The following ZNF101 variants were observed in gnomAD, a reference collection of about 807,000 sequenced individuals.
ZNF101 encodes zinc finger protein 101 (Y2).
ZNF101 carries 34 observed loss-of-function variants against 42.6 expected under a neutral mutation model. That is an observed-to-expected ratio of 0.80 (90% CI 0.61 to 1.06). The LOEUF (loss-of-function observed/expected upper bound fraction) is 1.06, where lower values mean the gene tolerates loss of function less well. ZNF101 is among the 50% of genes least tolerant of loss of function. The probability of loss-of-function intolerance (pLI) is 0.00; values close to 1 mark genes in which losing one functional copy is unlikely to be tolerated. For missense variants in ZNF101, 466 were observed against 530.9 expected (o/e 0.88, Z 1.20); for synonymous variants, 158 against 183.9 (o/e 0.86, Z 1.14).
chr19:19,679,679 T>C lies in ZNF101; in HGVS notation c.690T>C (p.Cys230=), dbSNP rs2062226116. Residue 230 remains cysteine (C), a synonymous_variant, in exon 4 of 4, where the codon TGT becomes TGC. Coordinates refer to ENST00000592502, the MANE Select transcript of ZNF101 (RefSeq NM_033204.4). ...TGEKRYECKY[C]GKPIDYPSLF... ...AAAAACGCTATGAATGTAAATACTG[T>C]GGAAAACCTATCGATTATCCCAGTT... is the stretch of plus-strand genomic sequence containing the variant. 1.2e-6 allele frequency: 2 copies of C among 1,614,118 alleles called. No homozygotes were observed. The highest frequency in any genetic ancestry group is 4.5e-5 in the East Asian group (2 of 44,886).
At position 19,683,023 on chromosome 19, in the gene ZNF101, C is replaced by T. The variant is rs1168980357; in HGVS notation, c.*2723C>T. ...GTTTCATTGTACTGGCCAGGATGGT[C>T]TTGATTTCCTGACCTTGTGATCCAC... On this transcript the variant is annotated 3_prime_UTR_variant, in exon 4 of 4. Coordinates refer to ENST00000592502, the MANE Select transcript of ZNF101 (RefSeq NM_033204.4). 1 of 152,000 alleles carries T rather than the reference C, an allele frequency of 6.6e-6. No individual in the cohort carries two copies. The highest frequency in any genetic ancestry group is 2.4e-5 in the African/African-American group (1 of 41,356). 9.4% of individuals were successfully genotyped at this position (152,000 alleles called of 1,614,324 possible).
rs1308341900 is a variant in ZNF101, at chr19:19,680,350, C to G, written c.*50C>G. ...GCCCCATATCGGCTGGGTACGGTGG[C>G]TCACGCTTGTAATCCCAGCACTTTG... On this transcript the variant is annotated 3_prime_UTR_variant, in exon 4 of 4. Coordinates refer to ENST00000592502, the MANE Select transcript of ZNF101 (RefSeq NM_033204.4). 9.2e-7 allele frequency: 1 copy of G among 1,087,366 alleles called. No individual in the cohort carries two copies. The highest frequency in any genetic ancestry group is 3.1e-5 in the Admixed American group (1 of 32,620). 67.4% of individuals were successfully genotyped at this position (1,087,366 alleles called of 1,614,324 possible).
intron 1 of ZNF101, 97 bp downstream of exon 1, chr19:19,669,063 C>G (rs2062152665): frequency 1.4e-6 from 2 of 1,476,102 alleles, no homozygotes; most frequent in Non-Finnish European, 1.8e-6. Context: ...CTGTGGGGGT[C>G]TGGGACCCGA....
rs2062150614 is a variant in ZNF101, at chr19:19,668,874, T to C, written c.-90T>C. The C allele has an allele frequency of 1.9e-5, 28 of 1,472,474 alleles. No homozygotes were observed. The highest frequency in any genetic ancestry group is 2.1e-5 in the Non-Finnish European group (23 of 1,094,876). The allele number at this position is 1,472,474 out of a possible 1,614,324, so 91.2% of individuals were successfully genotyped here. A position where few individuals can be genotyped will look rare whatever the true frequency, so the allele number is the denominator to read the frequency against. On this transcript the variant is annotated 5_prime_UTR_variant, in exon 1 of 4. Coordinates refer to ENST00000592502, the MANE Select transcript of ZNF101 (RefSeq NM_033204.4). ...GGGTTTTAGTTCCTCGGGGAGCCCC[T>C]GGTGCCCCGGATACGGCTGATTTTG...
At chr19:19,672,161 AT>A (rs1275554789) in intron 1 of ZNF101, 1 of 148,300 alleles carries the variant, frequency 6.7e-6, no homozygotes, top group Non-Finnish European at 1.5e-5. Context: ...TTTATGTATG[AT>A]TATATATATA....
chr19:19,674,569 A>T (rs907507246), intron 1 of ZNF101, among the ~76,000 whole-genome samples: 1 of 152,110 alleles, frequency 6.6e-6, no homozygotes, highest in Admixed American at 6.6e-5. Context: ...GTCAGGTATG[A>T]TTTGCTAGCA....
At chr19:19,679,147 C>G in intron 3 of ZNF101, 34 bp from the exon 4 acceptor site, 4 of 1,594,464 alleles carry the variant, frequency 2.5e-6, no homozygotes, top group Non-Finnish European at 3.4e-6. Flanking sequence ...ATTAATAAAC[C>G]AAGCATTGAT....
Position 19,680,194 on chromosome 19 carries a change from T to C in ZNF101, c.1205T>C (p.Val402Ala). The change falls in exon 4 of 4, where the codon GTC becomes GCC. Residue 402 changes from valine (V) to alanine (A), a missense_variant. Transcript: ENST00000592502. ...KPFDCKQCGK[V>A]FTFSNYLRLH... Reference sequence around the variant, plus strand: ...TTTGATTGTAAACAGTGTGGTAAAGTCTTTACTTTTTCAAATTACCTTAGA... The same window carrying C: ...TTTGATTGTAAACAGTGTGGTAAAGCCTTTACTTTTTCAAATTACCTTAGA... 1 of 1,600,834 alleles carries C rather than the reference T, an allele frequency of 6.2e-7. No homozygotes were observed. Among genetic ancestry groups the C allele is most frequent in the Non-Finnish European group, 8.5e-7 (1 of 1,175,542 alleles).
In ZNF101 at chr19:19,680,441, AC is replaced by A. The variant is rs199901405; in HGVS notation, c.*145del. ...AGACTAGCCTGGCCAACATGGTGAA[AC>A]CCCGTCTCTACTAAAAATACAAAAA... is the stretch of plus-strand genomic sequence containing the variant. On this transcript the variant is annotated 3_prime_UTR_variant, in exon 4 of 4. Coordinates refer to ENST00000592502, the MANE Select transcript of ZNF101 (RefSeq NM_033204.4). The A allele has an allele frequency of 4.5e-6, 2 of 440,414 alleles. No homozygotes were observed. The highest frequency in any genetic ancestry group is 6.9e-5 in the East Asian group (2 of 29,042). 27.3% of individuals were successfully genotyped at this position (440,414 alleles called of 1,614,324 possible). A position where few individuals can be genotyped will look rare whatever the true frequency, so the allele number is the denominator to read the frequency against.
At chr19:19,671,751 G>T (rs2062171988) in intron 1 of ZNF101, among the ~76,000 whole-genome samples, 3 of 151,970 alleles carry the variant, frequency 2.0e-5, no homozygotes, top group African/African-American at 7.2e-5. Context: ...CGCCCGCCTC[G>T]GCCTCCCAAA....
intron 1 of ZNF101, among the ~76,000 whole-genome samples, chr19:19,675,285 C>A (rs538181886): frequency 6.6e-5 from 10 of 152,002 alleles, no homozygotes; most frequent in East Asian, 1.9e-4. Flanking sequence ...TTACCGGCGT[C>A]CACCACCATG....
rs776186497 is a variant in ZNF101, at chr19:19,678,735, G to T, written c.140G>T (p.Trp47Leu). The T allele has an allele frequency of 1.9e-6, 3 of 1,604,672 alleles. No homozygotes were observed. The highest frequency in any genetic ancestry group is 2.7e-5 in the African/African-American group (2 of 74,396). ...TGGGTCTACATTTTAGGAATCCAAT[G>T]GAAAGACCAGGACATTGAGAATCTG... ...FRNLASVGIQ[W>L]KDQDIENLYQ... Residue 47 changes from tryptophan to leucine, a missense_variant, in exon 3 of 4, where the codon TGG (tryptophan) becomes TTG (leucine). Physicochemically the swap from Trp to Leu is moderately conservative, Grantham distance 61 (BLOSUM62 -2). Coordinates refer to ENST00000592502, the MANE Select transcript of ZNF101 (RefSeq NM_033204.4).
At chr19:19,678,577 T>A in intron 2 of ZNF101, 149 bp from the exon 3 acceptor site, 1 of 622,176 alleles carries the variant, frequency 1.6e-6, no homozygotes, top group Non-Finnish European at 2.7e-6. Context: ...ATTGCATCAC[T>A]GCACTCCAGC....
chr19:19,681,418 G>A lies in ZNF101; in HGVS notation c.*1118G>A, dbSNP rs1287585492. On this transcript the variant is annotated 3_prime_UTR_variant, in exon 4 of 4. Coordinates refer to ENST00000592502, the MANE Select transcript of ZNF101 (RefSeq NM_033204.4). ...TACACACTGGATGGAAACGTTAGTA[G>A]TTTGGAAAATACAGGAAACTTCCAT... The A allele has an allele frequency of 6.6e-6, 1 of 152,208 alleles. No homozygotes were observed. Among genetic ancestry groups the A allele is most frequent in the Non-Finnish European group, 1.5e-5 (1 of 68,048 alleles). 9.4% of individuals were successfully genotyped at this position (152,208 alleles called of 1,614,324 possible).
intron 1 of ZNF101, among the ~76,000 whole-genome samples, chr19:19,669,724 C>G (rs887537721): frequency 5.9e-5 from 9 of 152,156 alleles, no homozygotes; most frequent in African/African-American, 1.9e-4. Flanking sequence ...TCTCAGGTAT[C>G]TGCCTGCCTC....
rs1276200429 is a variant in ZNF101 at position 19,680,691 on chromosome 19, G to T, written c.*391G>T. Reference sequence around the variant, plus strand: ...AAAACCAGCACTTTGGGAAGCCGAGGTGGGTGGATCACGAGGTCCAGAGAT... The same window carrying T: ...AAAACCAGCACTTTGGGAAGCCGAGTTGGGTGGATCACGAGGTCCAGAGAT... On this transcript the variant is annotated 3_prime_UTR_variant, in exon 4 of 4. Transcript: ENST00000592502. 6.5e-6 allele frequency: 1 copy of T among 153,990 alleles called. No individual in the cohort carries two copies. The highest frequency in any genetic ancestry group is 1.9e-4 in the East Asian group (1 of 5,240). 9.5% of individuals were successfully genotyped at this position (153,990 alleles called of 1,614,324 possible). A position where few individuals can be genotyped will look rare whatever the true frequency, so the allele number is the denominator to read the frequency against.
intron 1 of ZNF101, among the ~76,000 whole-genome samples, chr19:19,674,905 C>T (rs1290571308): frequency 1.3e-5 from 2 of 152,046 alleles, no homozygotes; most frequent in African/African-American, 4.8e-5. Context: ...ACTGCAACCT[C>T]TGCCTCCCAG....
chr19:19,679,912 A>G lies in ZNF101; in HGVS notation c.923A>G (p.Lys308Arg). The G allele has an allele frequency of 6.2e-7, 1 of 1,614,162 alleles. No homozygotes were observed. The highest frequency in any genetic ancestry group is 1.7e-5 in the Admixed American group (1 of 60,002). ...HRHERTHSGG[K>R]LYECQKCAKV... ...CATGAAAGAACTCATAGTGGAGGAA[A>G]ACTCTACGAATGTCAAAAATGTGCC... Residue 308 changes from lysine to arginine, a missense_variant, in exon 4 of 4, where the codon AAA becomes AGA. Lys to Arg is a conservative substitution (Grantham distance 26, BLOSUM62 2). Transcript: ENST00000592502.
In ZNF101 at chr19:19,677,839, C is replaced by T. The variant is rs1419808341; in HGVS notation, c.4-25C>T. On this transcript the variant is annotated intron_variant, in intron 1 of 3. Transcript: ENST00000592502. The stretch of plus-strand genomic sequence containing the variant: ...CCCAGTGCTGAGTCTCACCCCTCCT[C>T]CTCCACACCTGTGGGATGTTTCAGG... 4.4e-6 allele frequency: 7 copies of T among 1,606,878 alleles called. No individual in the cohort carries two copies. The South Asian group carries it at 5.5e-5, about 13-fold the overall frequency.
Sources: allele counts gnomAD v4.1 joint callset (sites outside exome capture counted in the v4.1 genomes callset), GRCh38; gene constraint gnomAD v4.1.1; transcripts MANE v1.5; gene names NCBI Gene and HGNC (gene_info 2026-07-23, HGNC 2026-07-21).